The following SPOCK1 variants were observed in gnomAD, a reference collection of about 807,000 sequenced individuals.
The protein encoded by SPOCK1 is SPARC (osteonectin), cwcv and kazal like domains proteoglycan 1, also known as testican-1.
Under a neutral mutation model 55.3 loss-of-function variants are expected in SPOCK1, and 23 were observed. That is an observed-to-expected ratio of 0.42 (90% CI 0.30 to 0.59). The LOEUF is 0.59. SPOCK1 is among the 20% of genes least tolerant of loss of function. The pLI is 0.22. For synonymous variants in SPOCK1, 226 were observed against 221.0 expected (o/e 1.02, Z -0.20); for missense variants, 499 against 552.5 (o/e 0.90, Z 0.97).
Position 137,025,265 on chromosome 5 carries a change from C to T in SPOCK1, c.590-32665G>A, listed in dbSNP as rs748907042. The stretch of plus-strand genomic sequence containing the variant: ...CTCATGTTAAGGTAGATCCCTTTTC[C>T]AGGCCTTATCTCACCTGTGATGCTG... On this transcript the variant is annotated intron_variant, in intron 6 of 10. Transcript: ENST00000394945. Among the ~76,000 whole-genome samples, 3 of 152,088 alleles carry T rather than the reference C, an allele frequency of 2.0e-5. No individual in the cohort carries two copies. In the East Asian group the frequency reaches 5.9e-4, roughly 30 times the overall value.
chr5:137,264,020 C>A (rs904145715), intron 3 of SPOCK1, among the ~76,000 whole-genome samples: 3 of 152,040 alleles, frequency 2.0e-5, no homozygotes, highest in African/African-American at 7.2e-5. Flanking sequence ...AGCTAAGTAA[C>A]TATTTCTTGA....
chr5:137,219,860 T>A (rs190932373), intron 3 of SPOCK1, among the ~76,000 whole-genome samples: 1 of 152,188 alleles, frequency 6.6e-6, no homozygotes, highest in Non-Finnish European at 1.5e-5. Flanking sequence ...AGGGCCTCCA[T>A]GGTGTCTTTT....
intron 2 of SPOCK1, among the ~76,000 whole-genome samples, chr5:137,472,270 C>G (rs534799900): frequency 6.6e-6 from 1 of 152,170 alleles, no homozygotes; most frequent in African/African-American, 2.4e-5. Flanking sequence ...GGAGCAATCC[C>G]CATCACACTA....
At chr5:137,372,116 C>T (rs977417066) in intron 2 of SPOCK1, among the ~76,000 whole-genome samples, 2 of 152,148 alleles carry the variant, frequency 1.3e-5, no homozygotes, top group Non-Finnish European at 2.9e-5. Context: ...TTTTATACTC[C>T]CAGCACGTCC....
chr5:137,030,255 A>G (rs1751754446), intron 6 of SPOCK1, among the ~76,000 whole-genome samples: 2 of 152,264 alleles, frequency 1.3e-5, no homozygotes, highest in Admixed American at 1.3e-4. Flanking sequence ...CGGCCATCCA[A>G]GTTACTGCTT....
chr5:137,028,252 CAG>C (rs1367503801), intron 6 of SPOCK1, among the ~76,000 whole-genome samples: 1 of 152,152 alleles, frequency 6.6e-6, no homozygotes, highest in Non-Finnish European at 1.5e-5. Context: ...CCACATGAAA[CAG>C]AGTAGAAAAG....
chr5:136,979,491 C>A (rs1031519184), intron 9 of SPOCK1, 22 bp from the exon 10 acceptor site: 2 of 1,586,150 alleles, frequency 1.3e-6, no homozygotes, highest in Non-Finnish European at 1.7e-6. Flanking sequence ...AAAGGTGCAA[C>A]TTTAATCAGA....
intron 9 of SPOCK1, among the ~76,000 whole-genome samples, chr5:136,980,452 A>G (rs1750706889): frequency 6.6e-6 from 1 of 152,230 alleles, no homozygotes; most frequent in Admixed American, 6.5e-5. Flanking sequence ...TGTAGCTCTC[A>G]TAATTCCCAC....
chr5:137,377,605 G>A (rs1275198484), intron 2 of SPOCK1, among the ~76,000 whole-genome samples: 6 of 152,162 alleles, frequency 3.9e-5, no homozygotes, highest in Non-Finnish European at 8.8e-5. Context: ...CAAGGAACAT[G>A]TACTACTTGT....
intron 5 of SPOCK1, among the ~76,000 whole-genome samples, chr5:137,071,384 G>T (rs941357395): frequency 1.3e-5 from 2 of 152,146 alleles, no homozygotes; most frequent in Admixed American, 6.5e-5. Context: ...CAGGGGAGGG[G>T]ACCATGACAA....
At chr5:137,235,852 C>T (rs982628688) in intron 3 of SPOCK1, among the ~76,000 whole-genome samples, 2 of 152,206 alleles carry the variant, frequency 1.3e-5, no homozygotes, top group Admixed American at 6.5e-5. Flanking sequence ...TCTGATCATC[C>T]GTACATGTTA....
intron 2 of SPOCK1, among the ~76,000 whole-genome samples, chr5:137,436,223 TTC>T (rs1752862361): frequency 6.6e-6 from 1 of 152,186 alleles, no homozygotes; most frequent in Non-Finnish European, 1.5e-5. Context: ...GATATTTTGT[TTC>T]TGTTGACTTC....
intron 2 of SPOCK1, among the ~76,000 whole-genome samples, chr5:137,328,531 G>A (rs987827334): frequency 1.3e-5 from 2 of 152,184 alleles, no homozygotes; most frequent in African/African-American, 2.4e-5. Context: ...GTGCCAGGCC[G>A]ACAGTGTTCA....
intron 2 of SPOCK1, among the ~76,000 whole-genome samples, chr5:137,418,395 G>A (rs372954550): frequency 2.6e-4 from 40 of 152,240 alleles, no homozygotes; most frequent in African/African-American, 9.6e-4. Flanking sequence ...CTTCCATAAT[G>A]GTTGAACTAG....
At chr5:137,159,197 G>A (rs148786195) in intron 3 of SPOCK1, among the ~76,000 whole-genome samples, 2 of 152,154 alleles carry the variant, frequency 1.3e-5, no homozygotes, top group East Asian at 1.9e-4. Context: ...ATTTGGAGGC[G>A]GGAAAATACT....
At chr5:137,151,735 T>C (rs1343380643) in intron 3 of SPOCK1, among the ~76,000 whole-genome samples, 1 of 152,002 alleles carries the variant, frequency 6.6e-6, no homozygotes, top group Admixed American at 6.6e-5. Context: ...GGTCCTAGAG[T>C]TTTTCAGAGA....
At chr5:137,419,724 A>T (rs2149825152) in intron 2 of SPOCK1, among the ~76,000 whole-genome samples, 1 of 152,266 alleles carries the variant, frequency 6.6e-6, no homozygotes, top group East Asian at 1.9e-4. Flanking sequence ...GGTTTTCTAG[A>T]TATACAATCA....
At chr5:137,096,423 C>G (rs1277428879) in intron 5 of SPOCK1, among the ~76,000 whole-genome samples, 1 of 152,204 alleles carries the variant, frequency 6.6e-6, no homozygotes, top group Non-Finnish European at 1.5e-5. Context: ...TGGAGCCCAG[C>G]CCTCCACCTC....
chr5:137,499,196 GT>G lies in SPOCK1; in HGVS notation c.-19del, dbSNP rs1339556686. 1 of 151,038 alleles carries G rather than the reference GT, an allele frequency of 6.6e-6. No individual in the cohort carries two copies. Among genetic ancestry groups the G allele is most frequent in the Non-Finnish European group, 1.5e-5 (1 of 67,766 alleles). The allele number at this position is 151,038 out of a possible 1,614,324, so 9.4% of individuals were successfully genotyped here. On this transcript the variant is annotated 5_prime_UTR_variant, in exon 1 of 11. Transcript: ENST00000394945. Reference sequence around the variant, plus strand: ...GCACGTACCTTGGGGGCCGGCCCGGGTCCCCTAGTCCGAGTTGCTCGAGCTC... The same window carrying G: ...GCACGTACCTTGGGGGCCGGCCCGGGCCCCTAGTCCGAGTTGCTCGAGCTC...
Sources: allele counts gnomAD v4.1 joint callset (sites outside exome capture counted in the v4.1 genomes callset), GRCh38; gene constraint gnomAD v4.1.1; transcripts MANE v1.5; gene names NCBI Gene and HGNC (gene_info 2026-07-23, HGNC 2026-07-21).